Variants in GALNT13 observed in about 807,000 individuals in gnomAD.
GALNT13 encodes the protein polypeptide N-acetylgalactosaminyltransferase 13, also known as UDP-GalNAc:polypeptide N-acetylgalactosaminyltransferase 13.
Under a neutral mutation model 64.2 loss-of-function variants are expected in GALNT13, and 28 were observed. The observed-to-expected ratio is 0.44, with a 90% CI of 0.32 to 0.60. The LOEUF (loss-of-function observed/expected upper bound fraction) is 0.60. GALNT13 is among the 20% of genes least tolerant of loss of function. The probability of loss-of-function intolerance (pLI) is 0.05; values close to 1 mark genes in which losing one functional copy is unlikely to be tolerated. For synonymous variants in GALNT13, 214 were observed against 224.6 expected, an observed-to-expected ratio of 0.95 and a Z score of 0.42; for missense variants, 577 against 669.8, an observed-to-expected ratio of 0.86 and a Z score of 1.53.
At chr2:154,322,650 A>G (rs897292219) in intron 9 of GALNT13, among the ~76,000 whole-genome samples, 8 of 152,192 alleles carry the variant, frequency 5.3e-5, no homozygotes, top group East Asian at 1.9e-4. Context: ...CTTCAAAACT[A>G]GTGGTAGTCA....
chr2:153,468,317 C>T, the GALNT13 span, among the ~76,000 whole-genome samples: 1 of 152,026 alleles, frequency 6.6e-6, no homozygotes, highest in African/African-American at 2.4e-5. Flanking sequence ...GGCTCTTTAT[C>T]TCAATAGTCC....
the GALNT13 span, among the ~76,000 whole-genome samples, chr2:153,376,180 T>A: frequency 6.6e-6 from 1 of 152,090 alleles, no homozygotes; most frequent in African/African-American, 2.4e-5. Flanking sequence ...TATAACAAAT[T>A]TGGATCTTGA....
the GALNT13 span, among the ~76,000 whole-genome samples, chr2:153,242,896 C>A: frequency 6.6e-6 from 1 of 152,204 alleles, no homozygotes; most frequent in Non-Finnish European, 1.5e-5. Context: ...GAAAATAAAT[C>A]CCTCAAAATC....
the GALNT13 span, among the ~76,000 whole-genome samples, chr2:153,205,374 G>A: frequency 6.6e-6 from 1 of 151,922 alleles, no homozygotes; most frequent in Non-Finnish European, 1.5e-5. Context: ...TCTCAACTTT[G>A]TCCTAAAAGA....
the GALNT13 span, among the ~76,000 whole-genome samples, chr2:153,518,641 T>C: frequency 6.6e-6 from 1 of 152,136 alleles, no homozygotes; most frequent in Non-Finnish European, 1.5e-5. Flanking sequence ...GAAAGATTAT[T>C]ATTTTAAATT....
the GALNT13 span, among the ~76,000 whole-genome samples, chr2:153,378,650 TA>T: frequency 6.6e-6 from 1 of 152,172 alleles, no homozygotes; most frequent in Non-Finnish European, 1.5e-5. Flanking sequence ...TTAAGAAATG[TA>T]TTTTCCTACT....
At chr2:153,324,227 T>A in the GALNT13 span, among the ~76,000 whole-genome samples, 1 of 152,200 alleles carries the variant, frequency 6.6e-6, no homozygotes, top group African/African-American at 2.4e-5. Flanking sequence ...GTAAGTTGTA[T>A]TCCTAGGTAT....
At chr2:153,214,208 C>T in the GALNT13 span, among the ~76,000 whole-genome samples, 2 of 152,048 alleles carry the variant, frequency 1.3e-5, no homozygotes, top group African/African-American at 4.8e-5. Flanking sequence ...TGCCCCACAG[C>T]GTACAATACC....
chr2:153,330,793 G>C, the GALNT13 span, among the ~76,000 whole-genome samples: 1 of 152,046 alleles, frequency 6.6e-6, no homozygotes, highest in African/African-American at 2.4e-5. Context: ...TGAATGCTCT[G>C]CCTAGCCCTT....
chr2:153,373,126 G>C, the GALNT13 span, among the ~76,000 whole-genome samples: 2 of 138,218 alleles, frequency 1.4e-5, no homozygotes, highest in East Asian at 4.1e-4. Flanking sequence ...CCATTATTCT[G>C]TTGCTTTGTG....
rs1247301947 is a variant in GALNT13, at chr2:153,948,178, A to G, written c.142+3539A>G. ...TGACTTTTGGGCTTTTTTTGGTTTC[A>G]TATGAGTTTTAAAATAGTCTTTTCT... On this transcript the variant is annotated intron_variant, in intron 3 of 12. Transcript: ENST00000392825. Among the ~76,000 whole-genome samples the G allele has an allele frequency of 4.6e-5, 7 of 151,872 alleles. No individual in the cohort carries two copies. In the East Asian group the frequency reaches 1.2e-3, roughly 25 times the overall value.
chr2:153,435,148 G>A, the GALNT13 span, among the ~76,000 whole-genome samples: 7 of 152,080 alleles, frequency 4.6e-5, no homozygotes, highest in East Asian at 1.9e-4. Flanking sequence ...GTAGATATGC[G>A]GCATTATTTC....
chr2:154,224,583 A>G (rs1352684714), intron 4 of GALNT13, among the ~76,000 whole-genome samples: 2 of 152,120 alleles, frequency 1.3e-5, no homozygotes, highest in Non-Finnish European at 2.9e-5. Flanking sequence ...GCATGGATAG[A>G]CAAAATGAAT....
chr2:153,321,695 G>C, the GALNT13 span, among the ~76,000 whole-genome samples: 4 of 152,156 alleles, frequency 2.6e-5, no homozygotes, highest in African/African-American at 9.7e-5. Context: ...TTGATCAAAA[G>C]TTTACACAAC....
intron 9 of GALNT13, among the ~76,000 whole-genome samples, chr2:154,358,491 T>C (rs983337839): frequency 6.6e-6 from 1 of 152,102 alleles, no homozygotes; most frequent in Non-Finnish European, 1.5e-5. Context: ...ATTCCGTATA[T>C]ATTAAAGCAC....
intron 3 of GALNT13, among the ~76,000 whole-genome samples, chr2:154,008,587 C>T (rs758935695): frequency 6.6e-6 from 1 of 152,110 alleles, no homozygotes; most frequent in South Asian, 2.1e-4. Flanking sequence ...TTCCTCCCAC[C>T]CTCCCTGCTC....
chr2:153,853,043 A>G, the GALNT13 span, among the ~76,000 whole-genome samples: 1 of 152,296 alleles, frequency 6.6e-6, no homozygotes, highest in Admixed American at 6.5e-5. Flanking sequence ...CTATGGCTGA[A>G]GGCTTGAGAG....
At chr2:153,498,686 T>A in the GALNT13 span, among the ~76,000 whole-genome samples, 2 of 152,230 alleles carry the variant, frequency 1.3e-5, no homozygotes, top group African/African-American at 4.8e-5. Flanking sequence ...AAAGAGGTTG[T>A]CACAGCCCTG....
chr2:153,796,611 T>A, the GALNT13 span, among the ~76,000 whole-genome samples: 1 of 152,200 alleles, frequency 6.6e-6, no homozygotes, highest in Non-Finnish European at 1.5e-5. Context: ...TTCTTGGCAG[T>A]ATAGAATGAA....
Sources: gnomAD v4.1 joint callset for allele counts (sites outside exome capture counted in the v4.1 genomes callset) on GRCh38, gnomAD v4.1.1 for gene constraint, MANE v1.5 for transcripts, NCBI Gene and HGNC (gene_info 2026-07-23, HGNC 2026-07-21) for gene names.